ZNF674: variants seen among roughly 807,000 people sequenced by gnomAD.
ZNF674 encodes the protein zinc finger protein 674, also known as zinc finger family member 674.
Under a neutral mutation model 7.0 loss-of-function variants are expected in ZNF674, and 2 were observed. The observed-to-expected ratio is 0.29, with a 90% CI of 0.12 to 0.90. The LOEUF (loss-of-function observed/expected upper bound fraction) is 0.90, where lower values mean the gene tolerates loss of function less well. Ranked by LOEUF, ZNF674 falls within the 40% of genes least tolerant of loss-of-function variation. The pLI, the probability that ZNF674 is intolerant of heterozygous loss-of-function variation, is 0.57. For missense variants in ZNF674, 297 were observed against 415.5 expected, an observed-to-expected ratio of 0.71 and a Z score of 2.48; for synonymous variants, 103 against 145.2, an observed-to-expected ratio of 0.71 and a Z score of 2.09.
Position 46,499,715 on chromosome X carries a change from A to G in ZNF674, c.*128T>C, listed in dbSNP as rs983846178. ...TGTATTAAGTTAAATGAACATTAAC[A>G]TATGAAGAATTTCCAATATTCTGGA... On this transcript the variant is annotated 3_prime_UTR_variant, in exon 6 of 6. Transcript: ENST00000683375. 9.9e-6 allele frequency: 5 copies of G among 504,271 alleles called. No homozygotes were observed. Among genetic ancestry groups the G allele is most frequent in the Middle Eastern group, 5.8e-4 (1 of 1,732 alleles). 41.6% of individuals were successfully genotyped at this position (504,271 alleles called of 1,213,427 possible).
chrX:46,525,329 A>G (rs934389756), intron 5 of ZNF674: 1 of 272,531 alleles, frequency 3.7e-6, no homozygotes, highest in Admixed American at 4.0e-5. Flanking sequence ...GAGGCCGGGC[A>G]TGGTGGCTCA....
chrX:46,519,284 TAGATA>T (rs1941858393), intron 5 of ZNF674, among the ~76,000 whole-genome samples: 4 of 100,905 alleles, frequency 4.0e-5, no homozygotes, highest in Non-Finnish European at 6.0e-5. Flanking sequence ...GATAGATAGA[TAGATA>T]GATAGATAGA....
intron 5 of ZNF674, among the ~76,000 whole-genome samples, chrX:46,514,287 T>C (rs1270472211): frequency 9.1e-6 from 1 of 110,344 alleles, no homozygotes; most frequent in Non-Finnish European, 1.9e-5. Context: ...ACAGAGAACT[T>C]GGCACCTGTC....
At chrX:46,513,367 T>C (rs1941701080) in intron 5 of ZNF674, among the ~76,000 whole-genome samples, 2 of 112,776 alleles carry the variant, frequency 1.8e-5, no homozygotes, top group African/African-American at 6.4e-5. Flanking sequence ...CTTTCAATAG[T>C]AATCAGGGAA....
chrX:46,519,322 G>GATAA (rs1191387105), intron 5 of ZNF674, among the ~76,000 whole-genome samples: 1 of 108,366 alleles, frequency 9.2e-6, no homozygotes, highest in African/African-American at 3.4e-5. Context: ...TAGATAGATA[G>GATAA]ATAGGCCAGG....
intron 2 of ZNF674, among the ~76,000 whole-genome samples, chrX:46,542,805 T>C (rs1462843044): frequency 2.7e-5 from 3 of 111,910 alleles, no homozygotes; most frequent in Non-Finnish European, 5.6e-5. Context: ...AAAACAAGCA[T>C]ACTACACAGG....
intron 3 of ZNF674, among the ~76,000 whole-genome samples, chrX:46,533,223 C>G (rs756883698): frequency 9.0e-6 from 1 of 111,396 alleles, no homozygotes; most frequent in African/African-American, 3.3e-5. Flanking sequence ...GTGGCTCCAC[C>G]AGGACTGGCC....
At chrX:46,516,951 C>G (rs748643116) in intron 5 of ZNF674, among the ~76,000 whole-genome samples, 78 of 108,796 alleles carry the variant, frequency 7.2e-4, no homozygotes, top group Non-Finnish European at 1.3e-3. Context: ...TTGCAGTGAG[C>G]TGAGATTGTG....
chrX:46,526,360 C>T (rs1942010307), intron 5 of ZNF674, among the ~76,000 whole-genome samples: 1 of 111,516 alleles, frequency 9.0e-6, no homozygotes, highest in African/African-American at 3.3e-5. Context: ...CTCACTGCAG[C>T]CTCGTCCTCT....
intron 5 of ZNF674, among the ~76,000 whole-genome samples, chrX:46,519,240 AGAT>A (rs1941837812): frequency 1.4e-5 from 1 of 73,486 alleles, no homozygotes; most frequent in Admixed American, 1.7e-4. Flanking sequence ...ATAGATAGAT[AGAT>A]AGATAGATAG....
chrX:46,498,205 G>T lies in ZNF674; in HGVS notation c.*1638C>A, dbSNP rs1343500214. On this transcript the variant is annotated 3_prime_UTR_variant, in exon 6 of 6. Coordinates refer to ENST00000683375, the MANE Select transcript of ZNF674 (RefSeq NM_001190417.2). Reference sequence around the variant, plus strand: ...ACCAATTTTTAATCATCTATCATTGGATATTAAATTGTCTTATTTTTTCAC... The same window carrying T: ...ACCAATTTTTAATCATCTATCATTGTATATTAAATTGTCTTATTTTTTCAC... The T allele has an allele frequency of 1.8e-5, 2 of 111,426 alleles. No individual in the cohort carries two copies. The highest frequency in any genetic ancestry group is 3.8e-5 in the Non-Finnish European group (2 of 53,037). The allele number at this position is 111,426 out of a possible 1,213,427, so 9.2% of individuals were successfully genotyped here.
chrX:46,529,660 C>T (rs1449826503), intron 3 of ZNF674: 4 of 97,123 alleles, frequency 4.1e-5, no homozygotes. Flanking sequence ...CAGGGCGAGA[C>T]TCCATCTCAA....
intron 5 of ZNF674, among the ~76,000 whole-genome samples, chrX:46,508,068 T>A (rs867715130): frequency 7.5e-5 from 8 of 106,389 alleles, no homozygotes; most frequent in Non-Finnish European, 1.2e-4. Flanking sequence ...TTTTTTTTTT[T>A]AAATCAAGAG....
chrX:46,513,530 T>C (rs773821880), intron 5 of ZNF674, among the ~76,000 whole-genome samples: 1 of 111,905 alleles, frequency 8.9e-6, no homozygotes, highest in African/African-American at 3.2e-5. Context: ...CATTTTAACA[T>C]TGATGATTCC....
In ZNF674 at chrX:46,500,300, A is replaced by G. The variant is rs768828974; in HGVS notation, c.1274T>C (p.Val425Ala). The part of the protein sequence containing the change: ...KTFSGKSHLS[V>A]HHRTHTGEKP... ...CTCTCCTGTATGAGTTCTATGATGG[A>G]CAGAGAGGTGTGACTTTCCACTGAA... Residue 425 changes from valine (V) to alanine (A), a missense_variant, in exon 6 of 6, where the codon GTC becomes GCC. Coordinates refer to ENST00000683375, the MANE Select transcript of ZNF674 (RefSeq NM_001190417.2). The G allele has an allele frequency of 8.3e-7, 1 of 1,209,678 alleles. No individual in the cohort carries two copies.
chrX:46,529,347 G>A, intron 3 of ZNF674: 1 of 151,359 alleles, frequency 6.6e-6, no homozygotes, highest in Admixed American at 7.3e-5. Flanking sequence ...AGGCCAGGCT[G>A]GTAAGTCCTG....
chrX:46,543,939 C>T (rs769845018), intron 2 of ZNF674, among the ~76,000 whole-genome samples: 11 of 112,752 alleles, frequency 9.8e-5, no homozygotes, highest in Non-Finnish European at 1.5e-4. Flanking sequence ...GGACACTCAG[C>T]ATTTCCCCTG....
intron 5 of ZNF674, among the ~76,000 whole-genome samples, chrX:46,513,237 T>C (rs1363070769): frequency 1.8e-5 from 2 of 109,425 alleles, no homozygotes; most frequent in Non-Finnish European, 3.8e-5. Flanking sequence ...CACTCCAGCC[T>C]GGCAACGAGT....
At chrX:46,540,462 A>C (rs1942273474) in intron 3 of ZNF674, among the ~76,000 whole-genome samples, 1 of 111,809 alleles carries the variant, frequency 8.9e-6, no homozygotes, top group African/African-American at 3.2e-5. Context: ...TTTGACATCC[A>C]TGTTCTTAAG....
Sources: gnomAD v4.1 joint callset for allele counts (sites outside exome capture counted in the v4.1 genomes callset) on GRCh38, gnomAD v4.1.1 for gene constraint, MANE v1.5 for transcripts, NCBI Gene and HGNC (gene_info 2026-07-23, HGNC 2026-07-21) for gene names.